Variants in NAV3 observed in about 807,000 individuals in gnomAD.
NAV3 encodes neuron navigator 3.
In NAV3, 87 loss-of-function variants were observed where a neutral mutation model predicts 244.7. The observed-to-expected ratio is 0.36, with a 90% CI of 0.30 to 0.42. The LOEUF (loss-of-function observed/expected upper bound fraction) is 0.42, where lower values mean the gene tolerates loss of function less well. Ranked by LOEUF, NAV3 falls within the 20% of genes least tolerant of loss-of-function variation. NAV3 has a pLI of 1.00. For missense variants in NAV3, 2,663 were observed against 2,893.3 expected (o/e 0.92, Z 1.83); for synonymous variants, 1,126 against 1,042.2 (o/e 1.08, Z -1.55).
At chr12:77,730,271 A>G (rs1877060501) in intron 2 of NAV3, among the ~76,000 whole-genome samples, 1 of 151,968 alleles carries the variant, frequency 6.6e-6, no homozygotes, top group Non-Finnish European at 1.5e-5. Flanking sequence ...ACTTTTTAAA[A>G]AGCAATAACT....
intron 12 of NAV3, among the ~76,000 whole-genome samples, chr12:78,081,959 C>T (rs958237810): frequency 1.3e-5 from 2 of 152,198 alleles, no homozygotes; most frequent in African/African-American, 4.8e-5. Context: ...GCTGTCTCCC[C>T]ACCCAAATCT....
intron 12 of NAV3, among the ~76,000 whole-genome samples, chr12:78,085,342 G>A (rs1953578110): frequency 6.6e-6 from 1 of 152,082 alleles, no homozygotes; most frequent in African/African-American, 2.4e-5. Flanking sequence ...GAGACAGAGG[G>A]GAAGAGCAAA....
At chr12:77,592,492 C>G (rs1261795142) in intron 2 of NAV3, among the ~76,000 whole-genome samples, 2 of 152,104 alleles carry the variant, frequency 1.3e-5, no homozygotes, top group African/African-American at 4.8e-5. Context: ...CAAAGTAGCT[C>G]CCTGCCCTTT....
intron 1 of NAV3, among the ~76,000 whole-genome samples, chr12:77,873,679 G>GTGTGTATATATATATATATA (rs540390004): frequency 7.5e-5 from 8 of 107,308 alleles, no homozygotes; most frequent in Non-Finnish European, 1.2e-4. Flanking sequence ...ATTTGTATGT[G>GTGTGTATATATATATATATA]TATATATATA....
At position 78,199,488 on chromosome 12, in the gene NAV3, C is replaced by T. The variant is rs1174165324; in HGVS notation, c.6672C>T (p.Leu2224=). The T allele has an allele frequency of 5.6e-6, 9 of 1,603,722 alleles. No homozygotes were observed. The South Asian group carries it at 1.0e-4, about 18-fold the overall frequency. ...GGATTCCGAAGACGTGGCATCATCT[C>T]AACAGTTTTTTGGAAACACACAGTT... ...IDWIPKTWHH[L]NSFLETHSSS... is the part of the protein sequence containing the mutation. Residue 2224 remains leucine (L), a synonymous_variant, in exon 37 of 40, where the codon CTC becomes CTT. Transcript: ENST00000397909.
intron 12 of NAV3, among the ~76,000 whole-genome samples, chr12:78,116,349 A>C (rs553843928): frequency 1.3e-5 from 2 of 152,308 alleles, no homozygotes; most frequent in South Asian, 4.1e-4. Flanking sequence ...AAGAATGAGG[A>C]ATGATTTTCT....
intron 8 of NAV3, among the ~76,000 whole-genome samples, chr12:78,017,236 G>A (rs1876375477): frequency 6.6e-6 from 1 of 152,102 alleles, no homozygotes; most frequent in Admixed American, 6.6e-5. Context: ...AGCTCTCATG[G>A]TAATCACTGG....
intron 1 of NAV3, among the ~76,000 whole-genome samples, chr12:77,879,635 C>G (rs754963043): frequency 7.6e-6 from 1 of 131,580 alleles, no homozygotes; most frequent in Non-Finnish European, 1.5e-5. Context: ...GAGCCAAGAT[C>G]GAGCCACTTC....
At chr12:78,185,902 C>T (rs894799408) in intron 31 of NAV3, among the ~76,000 whole-genome samples, 2 of 151,874 alleles carry the variant, frequency 1.3e-5, no homozygotes, top group African/African-American at 4.8e-5. Flanking sequence ...ATGTACCTCA[C>T]ATTCATTCAC....
intron 1 of NAV3, among the ~76,000 whole-genome samples, chr12:77,911,416 T>C (rs1334164696): frequency 6.6e-6 from 1 of 152,158 alleles, no homozygotes; most frequent in Non-Finnish European, 1.5e-5. Context: ...TTCAAGGTTT[T>C]CAATCTCAAT....
At chr12:78,182,336 G>C (rs1398862244) in intron 30 of NAV3, among the ~76,000 whole-genome samples, 3 of 151,902 alleles carry the variant, frequency 2.0e-5, no homozygotes, top group Non-Finnish European at 4.4e-5. Context: ...TGATGGACCT[G>C]ACAGAGAAGT....
chr12:78,136,502 A>ATGTT (rs1416136658), intron 18 of NAV3, among the ~76,000 whole-genome samples: 57 of 152,218 alleles, frequency 3.7e-4, no homozygotes, highest in African/African-American at 1.4e-3. Context: ...GAAATATAAC[A>ATGTT]TGTTTGTGAC....
chr12:77,912,100 A>C (rs145430432), intron 1 of NAV3, among the ~76,000 whole-genome samples: 2 of 152,236 alleles, frequency 1.3e-5, no homozygotes, highest in East Asian at 3.9e-4. Flanking sequence ...GGCATATAAT[A>C]CTGTTTGGGG....
intron 7 of NAV3, among the ~76,000 whole-genome samples, chr12:78,004,919 C>T (rs995503518): frequency 1.3e-5 from 2 of 152,280 alleles, no homozygotes; most frequent in Admixed American, 6.5e-5. Flanking sequence ...TTCAGAGTCC[C>T]TCTTGTTTCA....
chr12:78,207,536 A>C (rs1252932901), intron 39 of NAV3, among the ~76,000 whole-genome samples: 1 of 152,206 alleles, frequency 6.6e-6, no homozygotes, highest in Non-Finnish European at 1.5e-5. Context: ...TTGAGGAAGC[A>C]GTTAGAATAA....
chr12:77,867,569 G>A lies in NAV3; in HGVS notation c.243+35865G>A, dbSNP rs34641987. On this transcript the variant is annotated intron_variant, in intron 1 of 39. Transcript: ENST00000397909. ...CAAGTAGCTGGGACTACAAGCGCCC[G>A]CCACCACGCCCGGCTAATTTTTTTG... 2.1e-3 allele frequency among the ~76,000 whole-genome samples: 323 copies of A among 151,856 alleles called. 3 individuals are homozygous for A. The highest frequency in any genetic ancestry group is 7.2e-3 in the African/African-American group (299 of 41,378).
chr12:77,725,632 AG>A (rs1397625457), intron 2 of NAV3, among the ~76,000 whole-genome samples: 4 of 151,908 alleles, frequency 2.6e-5, no homozygotes, highest in African/African-American at 9.7e-5. Flanking sequence ...AAATTTGGAA[AG>A]GAAAAAAAAA....
chr12:77,932,369 C>G (rs1156427059), intron 1 of NAV3, among the ~76,000 whole-genome samples: 1 of 152,086 alleles, frequency 6.6e-6, no homozygotes, highest in Admixed American at 6.6e-5. Flanking sequence ...CTTTCTGAGC[C>G]ATTCTGGGGG....
intron 12 of NAV3, among the ~76,000 whole-genome samples, chr12:78,070,419 A>T (rs879198640): frequency 4.0e-5 from 6 of 148,404 alleles, no homozygotes; most frequent in East Asian, 2.0e-4. Context: ...TTTTTTTTTT[A>T]AAGTGCATAA....
Sources: allele counts gnomAD v4.1 joint callset (sites outside exome capture counted in the v4.1 genomes callset), GRCh38; gene constraint gnomAD v4.1.1; transcripts MANE v1.5; gene names NCBI Gene and HGNC (gene_info 2026-07-23, HGNC 2026-07-21).